SORCS2: variants seen among roughly 807,000 people sequenced by gnomAD.
The protein encoded by SORCS2 is VPS10 domain-containing receptor SorCS2.
In SORCS2, 100 loss-of-function variants were observed where a neutral mutation model predicts 141.6. The ratio of observed to expected loss-of-function variants is 0.71; its 90% CI spans 0.60 to 0.83. SORCS2 has a LOEUF of 0.83. SORCS2 is among the 40% of genes least tolerant of loss of function. The probability of loss-of-function intolerance (pLI) is 0.00; values close to 1 mark genes in which losing one functional copy is unlikely to be tolerated. For synonymous variants in SORCS2, 789 were observed against 676.9 expected, an observed-to-expected ratio of 1.17 and a Z score of -2.57; for missense variants, 1,646 against 1,560.2, an observed-to-expected ratio of 1.05 and a Z score of -0.93.
At chr4:7,480,496 C>T (rs534234368) in intron 2 of SORCS2, among the ~76,000 whole-genome samples, 21 of 152,316 alleles carry the variant, frequency 1.4e-4, no homozygotes, top group Non-Finnish European at 2.4e-4. Context: ...AGCTGGGCAG[C>T]GTGCTGGGAG....
chr4:7,540,086 A>T (rs1451794227), intron 3 of SORCS2, among the ~76,000 whole-genome samples: 1 of 49,514 alleles, frequency 2.0e-5, no homozygotes, highest in Non-Finnish European at 3.7e-5. Context: ...CCTGTTATGG[A>T]GGCCCCGCCC....
chr4:7,496,114 C>T (rs574769864), intron 2 of SORCS2, among the ~76,000 whole-genome samples: 1 of 152,128 alleles, frequency 6.6e-6, no homozygotes, highest in Non-Finnish European at 1.5e-5. Flanking sequence ...TGAGAGTGAA[C>T]CTGTCTTGCT....
chr4:7,198,452 G>A (rs755896451), intron 1 of SORCS2, among the ~76,000 whole-genome samples: 4 of 152,162 alleles, frequency 2.6e-5, no homozygotes, highest in African/African-American at 9.7e-5. Context: ...CTTGCTGTGC[G>A]TTACTCTGGA....
At chr4:7,235,217 G>A (rs891783926) in intron 1 of SORCS2, among the ~76,000 whole-genome samples, 5 of 152,216 alleles carry the variant, frequency 3.3e-5, no homozygotes, top group Non-Finnish European at 7.4e-5. Context: ...GCATGAGGGC[G>A]CCTTGTGCAG....
intron 9 of SORCS2, among the ~76,000 whole-genome samples, chr4:7,680,240 C>A (rs1026388389): frequency 3.3e-5 from 5 of 152,248 alleles, no homozygotes; most frequent in Non-Finnish European, 5.9e-5. Flanking sequence ...TGCAGCCAAT[C>A]TATAGGCAAC....
chr4:7,704,122 G>T, intron 13 of SORCS2, 55 bp from the exon 14 acceptor site: 1 of 1,540,262 alleles, frequency 6.5e-7, no homozygotes, highest in Non-Finnish European at 8.9e-7. Context: ...CAGAGTCCCA[G>T]ACACAGGGAG....
intron 1 of SORCS2, among the ~76,000 whole-genome samples, chr4:7,376,402 C>T (rs1381751069): frequency 6.6e-6 from 1 of 152,040 alleles, no homozygotes; most frequent in African/African-American, 2.4e-5. Context: ...CAGGGTGAAA[C>T]CCCGTCTTTA....
chr4:7,672,475 T>G (rs866476804), intron 8 of SORCS2, among the ~76,000 whole-genome samples: 1 of 152,258 alleles, frequency 6.6e-6, no homozygotes, highest in Non-Finnish European at 1.5e-5. Flanking sequence ...TCCTCTGTCA[T>G]GTCTATTAAA....
chr4:7,572,223 A>G (rs6858110), intron 3 of SORCS2, among the ~76,000 whole-genome samples: 131,849 of 152,056 alleles, frequency 0.87, 57,606 homozygotes, highest in East Asian at 0.92. Context: ...CTGAGGCCCC[A>G]AGCTTTTTCA....
chr4:7,636,057 C>T (rs1188375208), intron 3 of SORCS2, among the ~76,000 whole-genome samples: 1 of 152,242 alleles, frequency 6.6e-6, no homozygotes, highest in Non-Finnish European at 1.5e-5. Context: ...ATAGTCGCCT[C>T]GTGCCATTGC....
At chr4:7,716,681 C>G (rs1430673084) in intron 17 of SORCS2, among the ~76,000 whole-genome samples, 2 of 58,290 alleles carry the variant, frequency 3.4e-5, no homozygotes, top group Admixed American at 4.5e-4. Context: ...TTCATTCATT[C>G]ACCGTCCATC....
intron 5 of SORCS2, among the ~76,000 whole-genome samples, chr4:7,659,719 G>T (rs1161835042): frequency 6.6e-6 from 1 of 152,214 alleles, no homozygotes; most frequent in East Asian, 1.9e-4. Context: ...CCCCATGCAG[G>T]TGGGCAGTCT....
At chr4:7,550,413 C>G (rs572165040) in intron 3 of SORCS2, among the ~76,000 whole-genome samples, 5 of 152,218 alleles carry the variant, frequency 3.3e-5, no homozygotes, top group African/African-American at 1.2e-4. Context: ...TCCTGGGACT[C>G]CAAGGTGCTC....
intron 3 of SORCS2, among the ~76,000 whole-genome samples, chr4:7,589,946 A>G (rs1015524): frequency 0.28 from 42,386 of 152,138 alleles, 7,010 homozygotes; most frequent in East Asian, 0.68. Context: ...AGAGCTTTCC[A>G]TGTGACTGCC....
intron 2 of SORCS2, among the ~76,000 whole-genome samples, chr4:7,448,023 C>G (rs943620877): frequency 1.3e-5 from 2 of 152,204 alleles, no homozygotes; most frequent in Non-Finnish European, 2.9e-5. Context: ...GTATGAGCGG[C>G]TCGTGCTGGG....
chr4:7,245,129 G>A lies in SORCS2; in HGVS notation c.480+52003G>A, dbSNP rs558641139. ...GTGAGAGTGGGCGGGAGGCTGGGCC[G>A]CTTCTTCCCCCTTCCCCCTGGAAGC... On this transcript the variant is annotated intron_variant, in intron 1 of 26. Transcript: ENST00000507866. Among the ~76,000 whole-genome samples the A allele has an allele frequency of 1.9e-3, 293 of 152,296 alleles. 1 individual carries two copies. Among genetic ancestry groups the A allele is most frequent in the Admixed American group, 3.2e-3 (49 of 15,296 alleles).
At chr4:7,543,899 T>TCCACCCAC (rs1560373692) in intron 3 of SORCS2, among the ~76,000 whole-genome samples, 5 of 17,820 alleles carry the variant, frequency 2.8e-4, no homozygotes, top group Non-Finnish European at 3.8e-4. Context: ...CACCCATCCA[T>TCCACCCAC]CCATCCACCC....
At chr4:7,477,718 C>G (rs1403964796) in intron 2 of SORCS2, among the ~76,000 whole-genome samples, 1 of 152,212 alleles carries the variant, frequency 6.6e-6, no homozygotes, top group East Asian at 1.9e-4. Context: ...TCCTGTCCCA[C>G]TGCATGGAGC....
At chr4:7,355,740 C>T (rs866564332) in intron 1 of SORCS2, among the ~76,000 whole-genome samples, 33 of 152,246 alleles carry the variant, frequency 2.2e-4, no homozygotes, top group Admixed American at 7.8e-4. Flanking sequence ...TTGACTTCAG[C>T]GGCGCTGGGA....
Sources: allele counts gnomAD v4.1 joint callset (sites outside exome capture counted in the v4.1 genomes callset), GRCh38; gene constraint gnomAD v4.1.1; transcripts MANE v1.5; gene names NCBI Gene and HGNC (gene_info 2026-07-23, HGNC 2026-07-21).